The following WDFY4 variants were observed in gnomAD, a reference collection of about 807,000 sequenced individuals.
The protein encoded by WDFY4 is WD repeat- and FYVE domain-containing protein 4.
WDFY4 carries 169 observed loss-of-function variants against 351.9 expected under a neutral mutation model. The ratio of observed to expected loss-of-function variants is 0.48; its 90% confidence interval spans 0.42 to 0.55. The LOEUF (loss-of-function observed/expected upper bound fraction) is 0.55. Among genes scored for constraint, WDFY4 ranks in the 20% least tolerant of loss-of-function variants. The probability of loss-of-function intolerance (pLI) is 0.00; values close to 1 mark genes in which losing one functional copy is unlikely to be tolerated. For missense variants in WDFY4, 3,803 were observed against 3,935.6 expected, an observed-to-expected ratio of 0.97 and a Z score of 0.90; for synonymous variants, 1,622 against 1,574.6, an observed-to-expected ratio of 1.03 and a Z score of -0.71.
chr10:48,969,036 T>A, intron 55 of WDFY4, 28 bp from the exon 56 acceptor site: 1 of 1,546,876 alleles, frequency 6.5e-7, no homozygotes, highest in South Asian at 1.2e-5. Flanking sequence ...CTTCCATGCA[T>A]AAGTTCGCCA....
At chr10:48,868,846 T>C (rs2069652000) in intron 40 of WDFY4, among the ~76,000 whole-genome samples, 1 of 152,080 alleles carries the variant, frequency 6.6e-6, no homozygotes, top group Non-Finnish European at 1.5e-5. Flanking sequence ...CTTTGTGAAA[T>C]TCTGTTGAGA....
intron 12 of WDFY4, among the ~76,000 whole-genome samples, chr10:48,752,036 G>A (rs769687234): frequency 3.9e-5 from 6 of 152,104 alleles, no homozygotes; most frequent in African/African-American, 9.7e-5. Context: ...ACTTTCTGTC[G>A]TACCCACAGG....
At chr10:48,723,316 C>A in intron 4 of WDFY4, 117 bp from the exon 5 acceptor site, 1 of 1,292,216 alleles carries the variant, frequency 7.7e-7, no homozygotes, top group Non-Finnish European at 1.0e-6. Context: ...AGGACTGGAG[C>A]CCAGAGGGAC....
chr10:48,900,277 C>T lies in WDFY4; in HGVS notation c.7494C>T (p.Tyr2498=). The T allele has an allele frequency of 6.4e-7, 1 of 1,551,678 alleles. No individual in the cohort carries two copies. The highest frequency in any genetic ancestry group is 1.4e-5 in the African/African-American group (1 of 73,170). Residue 2498 remains tyrosine (Y), a synonymous_variant, in exon 46 of 62, where the codon TAC becomes TAT. Coordinates refer to ENST00000325239, the MANE Select transcript of WDFY4 (RefSeq NM_001394531.1). ...GATATTCCAAGTTTCTTGTCTTCTA[C>T]AACAATGATCGGAGTAAGGCCTTTA... The part of the protein sequence containing the change: ...HNGYSKFLVF[Y]NNDRSKAFKS...
intron 1 of WDFY4, among the ~76,000 whole-genome samples, chr10:48,688,481 T>C (rs1458191226): frequency 6.6e-6 from 1 of 152,214 alleles, no homozygotes; most frequent in African/African-American, 2.4e-5. Context: ...TTAAATACAA[T>C]GTTACTATTT....
In WDFY4 at chr10:48,943,216, GC is replaced by G. The variant is rs1840870889; in HGVS notation, c.7630-112del. 32 of 1,272,796 alleles carry G rather than the reference GC, an allele frequency of 2.5e-5. No homozygotes were observed. In the South Asian group the frequency reaches 4.0e-4, roughly 16 times the overall value. The allele number at this position is 1,272,796 out of a possible 1,614,324, so 78.8% of individuals were successfully genotyped here. ...GCACAAAGTAACCGAGGGGCTGGCTGCCTGTCCTCACCCACAGAGCCAGGGC... is the reference window on the plus strand; with the variant it reads ...GCACAAAGTAACCGAGGGGCTGGCTGCTGTCCTCACCCACAGAGCCAGGGC... On this transcript the variant is annotated intron_variant, in intron 48 of 61. Transcript: ENST00000325239.
chr10:48,926,025 T>C (rs1427174256), intron 47 of WDFY4, among the ~76,000 whole-genome samples: 1 of 152,212 alleles, frequency 6.6e-6, no homozygotes, highest in African/African-American at 2.4e-5. Flanking sequence ...AACCTCAATG[T>C]GTCTGATACG....
intron 40 of WDFY4, among the ~76,000 whole-genome samples, chr10:48,872,481 C>A (rs1482315300): frequency 6.6e-6 from 1 of 152,210 alleles, no homozygotes; most frequent in African/African-American, 2.4e-5. Context: ...GTGCAGGGCT[C>A]AGCCTAACAC....
intron 1 of WDFY4, among the ~76,000 whole-genome samples, chr10:48,705,730 G>A (rs191003510): frequency 1.3e-5 from 2 of 152,326 alleles, no homozygotes; most frequent in Admixed American, 1.3e-4. Context: ...GGTGAGTCAA[G>A]TGTTTCACTT....
Position 48,798,740 on chromosome 10 carries a change from C to T in WDFY4, c.4410+2290C>T, listed in dbSNP as rs149329944. Reference sequence around the variant, plus strand: ...AATAGGTTCTTTCTAGCTTCTTTAACGAGCTAATCTTGATGGCAGAACACA... The same window carrying T: ...AATAGGTTCTTTCTAGCTTCTTTAATGAGCTAATCTTGATGGCAGAACACA... On this transcript the variant is annotated intron_variant, in intron 24 of 61. Transcript: ENST00000325239. 2.0e-4 allele frequency among the ~76,000 whole-genome samples: 30 copies of T among 152,260 alleles called. No homozygotes were observed. The East Asian group carries it at 3.7e-3, about 19-fold the overall frequency.
rs186297793 is a variant in WDFY4, at chr10:48,913,412, C to A, written c.7586+11549C>A. On this transcript the variant is annotated intron_variant, in intron 47 of 61. Coordinates refer to ENST00000325239, the MANE Select transcript of WDFY4 (RefSeq NM_001394531.1). ...GTCACCTCCAGTCTTCCCAGGAGTCCTTGGCCATGGAATTGGGTGAGATCA... is the reference window on the plus strand; with the variant it reads ...GTCACCTCCAGTCTTCCCAGGAGTCATTGGCCATGGAATTGGGTGAGATCA... 22 of 1,612,444 alleles carry A rather than the reference C, an allele frequency of 1.4e-5. No homozygotes were observed. In the East Asian group the frequency reaches 1.8e-4, roughly 13 times the overall value.
intron 39 of WDFY4, among the ~76,000 whole-genome samples, chr10:48,835,271 G>C (rs534436592): frequency 6.6e-6 from 1 of 152,086 alleles, no homozygotes; most frequent in Non-Finnish European, 1.5e-5. Context: ...AAGGCAGGGA[G>C]GGGGGCGAGA....
chr10:48,734,543 T>TAA lies in WDFY4; in HGVS notation c.1687+509_1687+510dup, dbSNP rs1565143267. Reference sequence around the variant, plus strand: ...ATGTGCATATATATATATATATATATAATGACATAGACACACCAACATCAT... The same window carrying TAA: ...ATGTGCATATATATATATATATATATAAAATGACATAGACACACCAACATCAT... On this transcript the variant is annotated intron_variant, in intron 10 of 61. Transcript: ENST00000325239. 8.6e-5 allele frequency among the ~76,000 whole-genome samples: 13 copies of TAA among 151,214 alleles called. No individual in the cohort carries two copies. The South Asian group carries it at 2.3e-3, about 27-fold the overall frequency.
intron 57 of WDFY4, among the ~76,000 whole-genome samples, chr10:48,972,930 C>G (rs1326112378): frequency 6.6e-6 from 1 of 152,164 alleles, no homozygotes; most frequent in Non-Finnish European, 1.5e-5. Flanking sequence ...AAGTATTATT[C>G]TGAGAAAACA....
intron 44 of WDFY4, among the ~76,000 whole-genome samples, chr10:48,897,149 C>A (rs1043167814): frequency 3.3e-5 from 5 of 152,214 alleles, no homozygotes; most frequent in South Asian, 4.1e-4. Context: ...CAGCATCATC[C>A]TGGAAACTGC....
chr10:48,738,974 C>T (rs981460728), intron 11 of WDFY4, among the ~76,000 whole-genome samples: 6 of 152,206 alleles, frequency 3.9e-5, no homozygotes, highest in African/African-American at 1.2e-4. Context: ...CACTGAAGAA[C>T]ATGTGACTTC....
chr10:48,854,263 C>G (rs1380868886), intron 39 of WDFY4, among the ~76,000 whole-genome samples: 1 of 152,034 alleles, frequency 6.6e-6, no homozygotes, highest in South Asian at 2.1e-4. Flanking sequence ...TGTACACCAC[C>G]ATGCCCAGCT....
chr10:48,819,580 A>G (rs891108409), intron 32 of WDFY4, among the ~76,000 whole-genome samples: 1 of 152,192 alleles, frequency 6.6e-6, no homozygotes, highest in Admixed American at 6.5e-5. Flanking sequence ...AGCCTCCAGC[A>G]TCTCTGTGTC....
intron 2 of WDFY4, among the ~76,000 whole-genome samples, chr10:48,717,520 C>G (rs1320399708): frequency 6.6e-6 from 1 of 152,180 alleles, no homozygotes; most frequent in South Asian, 2.1e-4. Context: ...AGCTCATTCC[C>G]CTCCCTTTTC....
Sources: allele counts gnomAD v4.1 joint callset (sites outside exome capture counted in the v4.1 genomes callset), GRCh38; gene constraint gnomAD v4.1.1; transcripts MANE v1.5; gene names NCBI Gene and HGNC (gene_info 2026-07-23, HGNC 2026-07-21).